DLG2: variants seen among roughly 807,000 people sequenced by gnomAD.
DLG2 encodes the protein discs large MAGUK scaffold protein 2.
A neutral mutation model predicts 132.5 loss-of-function variants in DLG2; 45 were observed. The ratio of observed to expected loss-of-function variants is 0.34; its 90% CI spans 0.27 to 0.44. The LOEUF (loss-of-function observed/expected upper bound fraction) is 0.44, where lower values mean the gene tolerates loss of function less well. DLG2 is among the 20% of genes least tolerant of loss of function. The probability of loss-of-function intolerance (pLI) is 1.00; values close to 1 mark genes in which losing one functional copy is unlikely to be tolerated. For synonymous variants in DLG2, 424 were observed against 419.6 expected (o/e 1.01, Z -0.13); for missense variants, 1,045 against 1,196.9 (o/e 0.87, Z 1.87).
intron 6 of DLG2, among the ~76,000 whole-genome samples, chr11:85,025,563 T>C (rs965035548): frequency 2.6e-5 from 4 of 152,208 alleles, no homozygotes; most frequent in African/African-American, 4.8e-5. Flanking sequence ...ATAGGATTAC[T>C]TAATATAATT....
intron 5 of DLG2, among the ~76,000 whole-genome samples, chr11:85,127,321 A>G (rs2075248143): frequency 7.5e-6 from 1 of 133,872 alleles, no homozygotes; most frequent in South Asian, 2.3e-4. Flanking sequence ...CATTCTCCCA[A>G]CCCCATTGTG....
chr11:85,163,298 AT>A (rs952730461), intron 4 of DLG2, among the ~76,000 whole-genome samples: 1 of 151,582 alleles, frequency 6.6e-6, no homozygotes. Context: ...TTAATCTTTT[AT>A]TTTTTTCATT....
intron 3 of DLG2, among the ~76,000 whole-genome samples, chr11:85,537,503 AGGAGGGATGAACAACTCCAGACG>A (rs1481139301): frequency 3.3e-5 from 5 of 151,664 alleles, no homozygotes; most frequent in Admixed American, 6.6e-5. Context: ...AACTCCAGAC[AGGAGGGATGAACAACTCCAGACG>A]GGAGGGATGA....
chr11:84,526,961 G>A (rs1031954172), intron 7 of DLG2, among the ~76,000 whole-genome samples: 1 of 151,966 alleles, frequency 6.6e-6, no homozygotes, highest in Non-Finnish European at 1.5e-5. Flanking sequence ...TGTATTTTTA[G>A]TAGAGACGGG....
chr11:83,528,266 A>G (rs2095656156), intron 21 of DLG2, among the ~76,000 whole-genome samples: 1 of 152,196 alleles, frequency 6.6e-6, no homozygotes, highest in African/African-American at 2.4e-5. Context: ...GTAGCAGATG[A>G]GCACTTTCAA....
At chr11:83,988,233 C>G (rs145058729) in intron 11 of DLG2, among the ~76,000 whole-genome samples, 2 of 152,208 alleles carry the variant, frequency 1.3e-5, no homozygotes, top group African/African-American at 4.8e-5. Flanking sequence ...AATGGTATTT[C>G]TTAGATTTTC....
At chr11:84,625,208 A>C (rs1397038543) in intron 6 of DLG2, among the ~76,000 whole-genome samples, 2 of 152,062 alleles carry the variant, frequency 1.3e-5, no homozygotes, top group Non-Finnish European at 1.5e-5. Flanking sequence ...AATTTGAAGA[A>C]TGAAACATCT....
chr11:83,740,207 T>C (rs1262789593), intron 18 of DLG2, among the ~76,000 whole-genome samples: 2 of 152,138 alleles, frequency 1.3e-5, no homozygotes, highest in Non-Finnish European at 2.9e-5. Context: ...TGCACAAAAA[T>C]ACTCAGTGCA....
intron 9 of DLG2, among the ~76,000 whole-genome samples, chr11:84,156,650 T>C (rs2095435163): frequency 1.3e-5 from 2 of 152,210 alleles, no homozygotes; most frequent in Admixed American, 1.3e-4. Flanking sequence ...TCCTGAAATG[T>C]AAATTACTGA....
At chr11:83,477,078 T>C (rs2092680703) in intron 22 of DLG2, among the ~76,000 whole-genome samples, 2 of 152,100 alleles carry the variant, frequency 1.3e-5, no homozygotes, top group Admixed American at 6.6e-5. Context: ...CCTACTTAAC[T>C]GGTGAGCACT....
intron 17 of DLG2, among the ~76,000 whole-genome samples, chr11:83,796,892 G>A (rs1392178406): frequency 6.6e-6 from 1 of 152,136 alleles, no homozygotes; most frequent in African/African-American, 2.4e-5. Context: ...TTAAATGCTG[G>A]GCGGTAAGTG....
At chr11:84,218,879 A>G (rs141042844) in intron 8 of DLG2, among the ~76,000 whole-genome samples, 10 of 152,334 alleles carry the variant, frequency 6.6e-5, no homozygotes, top group East Asian at 1.9e-4. Flanking sequence ...AAATTATCCA[A>G]TGTATCAATA....
intron 6 of DLG2, among the ~76,000 whole-genome samples, chr11:84,762,699 A>G (rs1045596143): frequency 1.3e-5 from 2 of 152,186 alleles, no homozygotes; most frequent in South Asian, 4.1e-4. Flanking sequence ...TCATTCATGT[A>G]TTCATTTAAC....
intron 7 of DLG2, among the ~76,000 whole-genome samples, chr11:84,362,508 A>ATT (rs201892576): frequency 6.7e-6 from 1 of 149,286 alleles, no homozygotes; most frequent in African/African-American, 2.5e-5. Flanking sequence ...TTTTTTAATA[A>ATT]TTTTTTTTTT....
rs568427863 is a variant in DLG2, at chr11:83,952,992, A to G, written c.1340+9893T>C. ...GCAAATGGATATAAAGATGGAAAAAATATCTGGAGACATATATAAAGCAGT... is the reference window on the plus strand; with the variant it reads ...GCAAATGGATATAAAGATGGAAAAAGTATCTGGAGACATATATAAAGCAGT... On this transcript the variant is annotated intron_variant, in intron 14 of 27. Coordinates refer to ENST00000376104, the MANE Select transcript of DLG2 (RefSeq NM_001142699.3). Among the ~76,000 whole-genome samples the G allele has an allele frequency of 9.2e-5, 14 of 152,316 alleles. No homozygotes were observed. In the South Asian group the frequency reaches 2.9e-3, roughly 32 times the overall value.
intron 6 of DLG2, among the ~76,000 whole-genome samples, chr11:84,659,147 A>C (rs1276163901): frequency 6.6e-6 from 1 of 152,154 alleles, no homozygotes; most frequent in African/African-American, 2.4e-5. Context: ...GTATTCTGTC[A>C]CTCACAGACA....
intron 6 of DLG2, among the ~76,000 whole-genome samples, chr11:84,833,656 G>T (rs2079328602): frequency 6.6e-6 from 1 of 151,220 alleles, no homozygotes; most frequent in Non-Finnish European, 1.5e-5. Flanking sequence ...GGTGGCAGTT[G>T]TGGGGGGGTG....
chr11:83,872,177 C>A (rs1165179581), intron 16 of DLG2, among the ~76,000 whole-genome samples: 1 of 152,192 alleles, frequency 6.6e-6, no homozygotes, highest in Non-Finnish European at 1.5e-5. Context: ...GCCGGAGAAT[C>A]GCCTGAACCC....
At chr11:85,501,902 T>G (rs959181772) in intron 3 of DLG2, among the ~76,000 whole-genome samples, 5 of 152,028 alleles carry the variant, frequency 3.3e-5, no homozygotes, top group East Asian at 1.9e-4. Context: ...ATTTGACCCA[T>G]CAATCCGATT....
Sources: allele counts gnomAD v4.1 joint callset (sites outside exome capture counted in the v4.1 genomes callset), GRCh38; gene constraint gnomAD v4.1.1; transcripts MANE v1.5; gene names NCBI Gene and HGNC (gene_info 2026-07-23, HGNC 2026-07-21).